The following ACKR3 variants were observed in gnomAD, a reference collection of about 807,000 sequenced individuals.
ACKR3 encodes C-X-C chemokine receptor type 7.
ACKR3 carries 6 observed loss-of-function variants against 22.4 expected under a neutral mutation model. The ratio of observed to expected loss-of-function variants is 0.27; its 90% CI spans 0.15 to 0.53. ACKR3 has a LOEUF of 0.53. Ranked by LOEUF, ACKR3 falls within the 20% of genes least tolerant of loss-of-function variation. The probability of loss-of-function intolerance (pLI) is 0.96; values close to 1 mark genes in which losing one functional copy is unlikely to be tolerated. For synonymous variants in ACKR3, 209 were observed against 205.2 expected (o/e 1.02, Z -0.16); for missense variants, 396 against 475.2 (o/e 0.83, Z 1.55).
chr2:236,554,697 C>A, the ACKR3 span, among the ~76,000 whole-genome samples: 2 of 152,196 alleles, frequency 1.3e-5, no homozygotes, highest in African/African-American at 2.4e-5. Flanking sequence ...GGCTGCCATG[C>A]TCTGGGAGAA....
intron 1 of ACKR3, among the ~76,000 whole-genome samples, chr2:236,572,529 G>A (rs1259191996): frequency 6.6e-6 from 1 of 152,208 alleles, no homozygotes; most frequent in Non-Finnish European, 1.5e-5. Context: ...TGTATATGCA[G>A]AGCCTAAGTT....
At chr2:236,547,597 A>G in the ACKR3 span, among the ~76,000 whole-genome samples, 18 of 152,260 alleles carry the variant, frequency 1.2e-4, no homozygotes, top group Admixed American at 1.0e-3. Flanking sequence ...AGAAAACTCA[A>G]TTTTTTGATA....
intron 1 of ACKR3, among the ~76,000 whole-genome samples, chr2:236,573,420 C>T (rs60574688): frequency 0.023 from 3,477 of 152,300 alleles, 113 homozygotes; most frequent in African/African-American, 0.075. Flanking sequence ...TAGCCACAAG[C>T]GCACCATAAC....
At chr2:236,539,655 C>T in the ACKR3 span, among the ~76,000 whole-genome samples, 1 of 152,054 alleles carries the variant, frequency 6.6e-6, no homozygotes, top group Non-Finnish European at 1.5e-5. Context: ...CACATCCAGC[C>T]ATTATTTTCA....
the ACKR3 span, among the ~76,000 whole-genome samples, chr2:236,552,237 C>T: frequency 3.2e-4 from 48 of 152,224 alleles, no homozygotes; most frequent in African/African-American, 1.1e-3. Context: ...GCTGTTCAGT[C>T]GCCCTGGCCA....
At chr2:236,537,622 T>C in the ACKR3 span, among the ~76,000 whole-genome samples, 32,058 of 152,174 alleles carry the variant, frequency 0.21, 6,636 homozygotes, top group African/African-American at 0.54. Context: ...CCTGGACAAC[T>C]TGTCCTTCTG....
At chr2:236,539,273 T>A in the ACKR3 span, among the ~76,000 whole-genome samples, 1 of 151,516 alleles carries the variant, frequency 6.6e-6, no homozygotes, top group Admixed American at 6.6e-5. Flanking sequence ...TCTCTCTCTC[T>A]CTTTGTGTAA....
the ACKR3 span, among the ~76,000 whole-genome samples, chr2:236,546,092 C>T: frequency 4.3e-3 from 651 of 152,314 alleles, 4 homozygotes; most frequent in African/African-American, 0.014. This position sits in a 1 kb window ranked among gnomAD's most constrained non-coding sequence, Gnocchi z 4.9. Context: ...TTGTGAAGCA[C>T]CAACGATGCG....
At chr2:236,559,787 A>G in the ACKR3 span, among the ~76,000 whole-genome samples, 1 of 152,248 alleles carries the variant, frequency 6.6e-6, no homozygotes, top group Non-Finnish European at 1.5e-5. Flanking sequence ...ACCACAGATT[A>G]ATATGACTGT....
At chr2:236,579,531 T>C (rs1691478407) in intron 1 of ACKR3, among the ~76,000 whole-genome samples, 1 of 152,182 alleles carries the variant, frequency 6.6e-6, no homozygotes, top group South Asian at 2.1e-4. Context: ...GAATTCTGGC[T>C]GGGAGTGAAA....
chr2:236,553,434 G>A, the ACKR3 span, among the ~76,000 whole-genome samples: 2 of 152,194 alleles, frequency 1.3e-5, no homozygotes, highest in African/African-American at 4.8e-5. Context: ...GAAAAAAACA[G>A]GACATGGAAA....
the ACKR3 span, among the ~76,000 whole-genome samples, chr2:236,549,811 A>C: frequency 6.6e-6 from 1 of 152,210 alleles, no homozygotes; most frequent in Non-Finnish European, 1.5e-5. This position sits in a 1 kb window ranked among gnomAD's most constrained non-coding sequence, Gnocchi z 5.3. Context: ...GTATTTTGAA[A>C]GTGGACATTA....
Position 236,581,388 on chromosome 2 carries a change from G to C in ACKR3, c.923G>C (p.Cys308Ser). The C allele has an allele frequency of 6.2e-7, 1 of 1,614,004 alleles. No individual in the cohort carries two copies. Among genetic ancestry groups the C allele is most frequent in the Non-Finnish European group, 8.5e-7 (1 of 1,180,032 alleles). ...ACACAGTGCCTGTCGCTGGTGCACT[G>C]CTGCGTCAACCCTGTCCTCTACAGC... is the stretch of plus-strand genomic sequence containing the variant. The part of the protein sequence containing the change: ...HVTQCLSLVH[C>S]CVNPVLYSFI... The change falls in exon 2 of 2, where the codon TGC becomes TCC. Residue 308 changes from cysteine (C) to serine (S), a missense_variant. Transcript: ENST00000272928. This position sits in a 1 kb window ranked among gnomAD's most constrained non-coding sequence, Gnocchi z 4.4.
At chr2:236,565,806 G>C (rs1462056816), upstream of ACKR3, among the ~76,000 whole-genome samples, 2 of 152,176 alleles carry the variant, frequency 1.3e-5, no homozygotes, top group Non-Finnish European at 2.9e-5. Context: ...CAATTCCCTT[G>C]AGTTGAGGGG....
At chr2:236,573,863 C>G (rs971905012) in intron 1 of ACKR3, among the ~76,000 whole-genome samples, 3 of 152,184 alleles carry the variant, frequency 2.0e-5, no homozygotes, top group East Asian at 1.9e-4. Context: ...CCTTGCCCAC[C>G]CTTTAAGGCC....
In ACKR3 at chr2:236,574,196, C is replaced by T. The variant is rs1261070264; in HGVS notation, c.-27+4272C>T. ...GAACAAGAGGCTCAGTCCGTCAACA[C>T]CAGCTCGGTGACGATTTCAGAAAAG... On this transcript the variant is annotated intron_variant, in intron 1 of 1. Coordinates refer to ENST00000272928, the MANE Select transcript of ACKR3 (RefSeq NM_020311.3). The surrounding 1 kb of genome is among the most constrained non-coding windows in gnomAD (Gnocchi z 5.6). Among the ~76,000 whole-genome samples, 1 of 152,062 alleles carries T rather than the reference C, an allele frequency of 6.6e-6. No homozygotes were observed. The highest frequency in any genetic ancestry group is 2.4e-5 in the African/African-American group (1 of 41,388).
chr2:236,541,056 T>C, the ACKR3 span, among the ~76,000 whole-genome samples: 2 of 150,984 alleles, frequency 1.3e-5, no homozygotes, highest in Admixed American at 1.3e-4. Context: ...TGGATCTGTT[T>C]CTGACCCTGT....
At chr2:236,557,759 G>C in the ACKR3 span, among the ~76,000 whole-genome samples, 1 of 152,198 alleles carries the variant, frequency 6.6e-6, no homozygotes, top group Non-Finnish European at 1.5e-5. Flanking sequence ...CTGACAGCCA[G>C]TTCCAATCAC....
the ACKR3 span, among the ~76,000 whole-genome samples, chr2:236,552,057 C>G: frequency 2.0e-5 from 3 of 152,166 alleles, no homozygotes; most frequent in African/African-American, 7.2e-5. Flanking sequence ...TGGTCTCTAC[C>G]CCCGTAGAAC....
Sources: allele counts gnomAD v4.1 joint callset (sites outside exome capture counted in the v4.1 genomes callset), GRCh38; gene constraint gnomAD v4.1.1; non-coding constraint Gnocchi (gnomAD v3.1); transcripts MANE v1.5; gene names NCBI Gene and HGNC (gene_info 2026-07-23, HGNC 2026-07-21).